The following CFTR variants were observed in gnomAD, a reference collection of about 807,000 sequenced individuals.
CFTR encodes CF transmembrane conductance regulator.
CFTR carries 181 observed loss-of-function variants against 171.6 expected under a neutral mutation model. That is an observed-to-expected ratio of 1.05 (90% CI 0.93 to 1.19). The LOEUF (loss-of-function observed/expected upper bound fraction) is 1.19, where lower values mean the gene tolerates loss of function less well. Ranked by LOEUF, CFTR falls within the 50% of genes most tolerant of loss-of-function variation. The pLI, the probability that CFTR is intolerant of heterozygous loss-of-function variation, is 0.00. For missense variants in CFTR, 1,968 were observed against 1,734.7 expected, an observed-to-expected ratio of 1.13 and a Z score of -2.39; for synonymous variants, 583 against 608.0, an observed-to-expected ratio of 0.96 and a Z score of 0.60.
At chr7:117,597,858 A>G (rs188183074) in intron 15 of CFTR, among the ~76,000 whole-genome samples, 244 of 151,416 alleles carry the variant, frequency 1.6e-3, no homozygotes, top group African/African-American at 5.7e-3. Flanking sequence ...ATTGCATGGT[A>G]GGCCACAAGT....
At chr7:117,620,199 C>A (rs1425832705) in intron 21 of CFTR, among the ~76,000 whole-genome samples, 1 of 152,104 alleles carries the variant, frequency 6.6e-6, no homozygotes, top group Non-Finnish European at 1.5e-5. Flanking sequence ...TTCCATCCAT[C>A]TCTTCTCATT....
At chr7:117,517,148 G>A (rs562772576) in intron 3 of CFTR, among the ~76,000 whole-genome samples, 6 of 152,116 alleles carry the variant, frequency 3.9e-5, no homozygotes, top group African/African-American at 9.6e-5. Flanking sequence ...ATGGCGGTTC[G>A]CTGCATCCAT....
At position 117,614,620 on chromosome 7, in the gene CFTR, AGAAG is replaced by A. The variant is rs1562916026; in HGVS notation, c.3380_3383del (p.Gly1127GlufsTer6). 1 of 1,607,730 alleles carries A rather than the reference AGAAG, an allele frequency of 6.2e-7. No homozygotes were observed. Among genetic ancestry groups the A allele is most frequent in the Non-Finnish European group, 8.5e-7 (1 of 1,174,454 alleles). ...TCTTTTGTGCATCTATAGGAGAAGG[AGAAG>A]GAAGAGTTGGTATTATCCTGACTTT... is the stretch of plus-strand genomic sequence containing the variant. On this transcript the variant is annotated frameshift_variant, in exon 21 of 27. Coordinates refer to ENST00000003084, the MANE Select transcript of CFTR (RefSeq NM_000492.4). LOFTEE classifies it high-confidence loss of function.
intron 20 of CFTR, among the ~76,000 whole-genome samples, chr7:117,613,969 T>G (rs1792442863): frequency 6.6e-6 from 1 of 151,050 alleles, no homozygotes; most frequent in Non-Finnish European, 1.5e-5. Flanking sequence ...AATTTAACAC[T>G]TAAGTGTTGT....
At chr7:117,621,470 C>A (rs1385654289) in intron 21 of CFTR, among the ~76,000 whole-genome samples, 2 of 152,106 alleles carry the variant, frequency 1.3e-5, no homozygotes, top group Non-Finnish European at 2.9e-5. Flanking sequence ...TAGATGTGTC[C>A]TGTGGGCCAT....
At chr7:117,624,353 C>T (rs1414864775) in intron 21 of CFTR, among the ~76,000 whole-genome samples, 11 of 152,110 alleles carry the variant, frequency 7.2e-5, no homozygotes. Flanking sequence ...TGGAGTCTGT[C>T]CTTGTTCTCA....
rs1554397608 is a variant in CFTR at position 117,665,583 on chromosome 7, A to C, written c.4242+19A>C. ...ATTTTTGGTGAGTCTTTATAACTTT[A>C]CTTAAGATCTCATTGCCCTTGTAAT... On this transcript the variant is annotated intron_variant, in intron 26 of 26. Transcript: ENST00000003084. 2 of 1,415,640 alleles carry C rather than the reference A, an allele frequency of 1.4e-6. No individual in the cohort carries two copies. Among genetic ancestry groups the C allele is most frequent in the Non-Finnish European group, 2.0e-6 (2 of 999,314 alleles). The allele number at this position is 1,415,640 out of a possible 1,614,324, so 87.7% of individuals were successfully genotyped here.
chr7:117,548,159 G>A (rs1799193867), intron 9 of CFTR, among the ~76,000 whole-genome samples: 1 of 152,186 alleles, frequency 6.6e-6, no homozygotes, highest in South Asian at 2.1e-4. Context: ...GGTGCTACCA[G>A]TGTGATGGAG....
At chr7:117,524,596 T>A (rs1584782627) in intron 3 of CFTR, among the ~76,000 whole-genome samples, 1 of 152,306 alleles carries the variant, frequency 6.6e-6, no homozygotes, top group East Asian at 1.9e-4. Flanking sequence ...TTTACCTTAA[T>A]TGTACATTTT....
intron 11 of CFTR, among the ~76,000 whole-genome samples, chr7:117,568,008 T>C (rs1200358282): frequency 6.6e-6 from 1 of 152,164 alleles, no homozygotes; most frequent in Non-Finnish European, 1.5e-5. Flanking sequence ...GGGAGAACAT[T>C]CCAGAAAGAG....
At chr7:117,659,842 T>G (rs1489905137) in intron 24 of CFTR, among the ~76,000 whole-genome samples, 1 of 152,194 alleles carries the variant, frequency 6.6e-6, no homozygotes, top group East Asian at 1.9e-4. Flanking sequence ...AAACAGAGTA[T>G]CAAAAGGAGT....
chr7:117,501,291 C>T (rs2116630906), intron 1 of CFTR, among the ~76,000 whole-genome samples: 1 of 152,260 alleles, frequency 6.6e-6, no homozygotes, highest in Admixed American at 6.5e-5. Flanking sequence ...GCCTTTCAAA[C>T]ATCTGGCAGT....
At chr7:117,631,052 G>A (rs1792736534) in intron 22 of CFTR, among the ~76,000 whole-genome samples, 1 of 151,952 alleles carries the variant, frequency 6.6e-6, no homozygotes, top group African/African-American at 2.4e-5. Context: ...TGCCCAGGCT[G>A]GTCTCAAACT....
At chr7:117,522,483 G>A (rs907368799) in intron 3 of CFTR, among the ~76,000 whole-genome samples, 1 of 152,300 alleles carries the variant, frequency 6.6e-6, no homozygotes, top group African/African-American at 2.4e-5. Flanking sequence ...TCACCATCAC[G>A]CTGGCTTACA....
At chr7:117,485,102 T>A (rs902444716) in intron 1 of CFTR, among the ~76,000 whole-genome samples, 1 of 152,200 alleles carries the variant, frequency 6.6e-6, no homozygotes, top group African/African-American at 2.4e-5. Flanking sequence ...TTAACACTTG[T>A]TTAAAGGTCC....
chr7:117,651,107 T>A (rs1339719522), intron 23 of CFTR, among the ~76,000 whole-genome samples: 3 of 152,220 alleles, frequency 2.0e-5, no homozygotes, highest in Non-Finnish European at 2.9e-5. Context: ...AGAATGAGCC[T>A]GTCCCAGGAC....
intron 11 of CFTR, among the ~76,000 whole-genome samples, chr7:117,579,168 CAT>C (rs2115994992): frequency 6.6e-6 from 1 of 151,862 alleles, no homozygotes; most frequent in South Asian, 2.1e-4. Flanking sequence ...ATTTATAAGA[CAT>C]ATATGGAGAA....
Position 117,603,648 on chromosome 7 carries a change from C to T in CFTR, c.2774C>T (p.Thr925Ile), listed in dbSNP as rs376827439. The T allele has an allele frequency of 1.9e-6, 3 of 1,613,954 alleles. No homozygotes were observed. Among genetic ancestry groups the T allele is most frequent in the African/African-American group, 1.3e-5 (1 of 74,922 alleles). Residue 925 changes from threonine to isoleucine, a missense_variant, in exon 17 of 27, where the codon ACT (threonine) becomes ATT (isoleucine). Transcript: ENST00000003084. ...TACATTTACGTGGGAGTAGCCGACA[C>T]TTTGCTTGCTATGGGATTCTTCAGA... ...VFYIYVGVAD[T>I]LLAMGFFRGL...
intron 3 of CFTR, among the ~76,000 whole-genome samples, chr7:117,524,697 G>A (rs1377572864): frequency 1.3e-5 from 2 of 152,040 alleles, no homozygotes; most frequent in Non-Finnish European, 2.9e-5. Flanking sequence ...AAACATCCAG[G>A]GCAGCACTTT....
Sources: allele counts gnomAD v4.1 joint callset (sites outside exome capture counted in the v4.1 genomes callset), GRCh38; gene constraint gnomAD v4.1.1; transcripts MANE v1.5; gene names NCBI Gene and HGNC (gene_info 2026-07-23, HGNC 2026-07-21).